HDAC4: variants seen among roughly 807,000 people sequenced by gnomAD.
HDAC4 encodes the protein histone deacetylase A.
HDAC4 carries 16 observed loss-of-function variants against 135.1 expected under a neutral mutation model. The ratio of observed to expected loss-of-function variants is 0.12; its 90% CI spans 0.08 to 0.18. HDAC4 has a LOEUF of 0.18. HDAC4 is among the 10% of genes least tolerant of loss of function. HDAC4 has a pLI of 1.00. For missense variants in HDAC4, 1,143 were observed against 1,511.8 expected (o/e 0.76, Z 4.05); for synonymous variants, 685 against 653.4 (o/e 1.05, Z -0.74).
At chr2:239,278,202 A>T (rs1348394109) in intron 2 of HDAC4, among the ~76,000 whole-genome samples, 1 of 150,226 alleles carries the variant, frequency 6.7e-6, no homozygotes, top group African/African-American at 2.5e-5. Flanking sequence ...AAAAAAAAAC[A>T]GACTGGTAAC....
chr2:239,384,069 A>G (rs13405734), intron 1 of HDAC4, among the ~76,000 whole-genome samples: 27,111 of 152,224 alleles, frequency 0.18, 2,581 homozygotes, highest in Non-Finnish European at 0.2. Context: ...CAGACAGAGA[A>G]GCAGCTCGTG....
intron 1 of HDAC4, among the ~76,000 whole-genome samples, chr2:239,369,295 G>T (rs1016483677): frequency 1.2e-4 from 18 of 152,254 alleles, no homozygotes; most frequent in Admixed American, 2.6e-4. Context: ...TGGACGTCTG[G>T]ACCAAGAGCA....
chr2:239,068,406 A>G lies in HDAC4; in HGVS notation c.2869+83T>C. The G allele has an allele frequency of 9.9e-7, 1 of 1,012,206 alleles. No homozygotes were observed. 62.7% of individuals were successfully genotyped at this position (1,012,206 alleles called of 1,614,324 possible). A position where few individuals can be genotyped will look rare whatever the true frequency, so the allele number is the denominator to read the frequency against. ...AGGTGCCCTTCCTTATCTCGTTATT[A>G]AAAAGGGGACCTGACACGCGGAACA... On this transcript the variant is annotated intron_variant, in intron 23 of 26. Coordinates refer to ENST00000543185, the MANE Select transcript of HDAC4 (RefSeq NM_001378414.1). The surrounding 1 kb of genome is among the most constrained non-coding windows in gnomAD (Gnocchi z 4.4).
intron 2 of HDAC4, among the ~76,000 whole-genome samples, chr2:239,275,814 G>A (rs2050325012): frequency 1.3e-5 from 2 of 152,150 alleles, no homozygotes; most frequent in Admixed American, 1.3e-4. Flanking sequence ...TCACAGGGAG[G>A]GGAAGACACC....
chr2:239,204,715 C>G (rs2045945229), intron 3 of HDAC4, among the ~76,000 whole-genome samples: 1 of 152,186 alleles, frequency 6.6e-6, no homozygotes, highest in South Asian at 2.1e-4. Flanking sequence ...CCTTCAACAG[C>G]CAGACCCTGG....
intron 1 of HDAC4, among the ~76,000 whole-genome samples, chr2:239,361,903 A>G (rs10195361): frequency 0.022 from 3,351 of 152,322 alleles, 131 homozygotes; most frequent in African/African-American, 0.074. Context: ...GAGAACTACG[A>G]TGATCACTTT....
chr2:239,159,389 C>G (rs1254715333), intron 6 of HDAC4, among the ~76,000 whole-genome samples: 3 of 145,188 alleles, frequency 2.1e-5, no homozygotes, highest in African/African-American at 7.7e-5. Flanking sequence ...CCCCTCACAA[C>G]CTATACCCAC....
chr2:239,073,911 G>A (rs971195285), intron 22 of HDAC4, among the ~76,000 whole-genome samples: 3 of 152,106 alleles, frequency 2.0e-5, no homozygotes, highest in Admixed American at 6.5e-5. Context: ...CTTTCTGACC[G>A]ACATTCCGAG....
At chr2:239,276,092 G>A (rs74000587) in intron 2 of HDAC4, among the ~76,000 whole-genome samples, 100 of 152,286 alleles carry the variant, frequency 6.6e-4, no homozygotes, top group African/African-American at 2.3e-3. Context: ...TTCCTCCACT[G>A]CCAGGGAGGA....
chr2:239,366,999 C>T (rs546351817), intron 1 of HDAC4, among the ~76,000 whole-genome samples: 2 of 137,006 alleles, frequency 1.5e-5, no homozygotes, highest in African/African-American at 7.4e-5. Flanking sequence ...GCCTGAAAGC[C>T]TCCGTCACTG....
rs1399720651 is a variant in HDAC4 at position 239,052,229 on chromosome 2, GC to G, written c.*867del. ...GCAAAACAGGGACCGCCGGGCTGCAGCCCCTGGCCCCGGAGATGACGGCTGG... is the reference window on the plus strand; with the variant it reads ...GCAAAACAGGGACCGCCGGGCTGCAGCCCTGGCCCCGGAGATGACGGCTGG... On this transcript the variant is annotated 3_prime_UTR_variant, in exon 27 of 27. Coordinates refer to ENST00000543185, the MANE Select transcript of HDAC4 (RefSeq NM_001378414.1). 1 of 152,336 alleles carries G rather than the reference GC, an allele frequency of 6.6e-6. No homozygotes were observed. Among genetic ancestry groups the G allele is most frequent in the East Asian group, 1.9e-4 (1 of 5,194 alleles). 9.4% of individuals were successfully genotyped at this position (152,336 alleles called of 1,614,324 possible).
chr2:239,132,210 G>A (rs1207785058), intron 11 of HDAC4, among the ~76,000 whole-genome samples: 2 of 152,338 alleles, frequency 1.3e-5, no homozygotes, highest in Non-Finnish European at 2.9e-5. Context: ...GGCTCACGGG[G>A]GCGGACCGCT....
chr2:239,233,988 C>T (rs1559263228), intron 3 of HDAC4, among the ~76,000 whole-genome samples: 1 of 152,210 alleles, frequency 6.6e-6, no homozygotes. Flanking sequence ...AATGTTTATA[C>T]TCCCATACCA....
intron 3 of HDAC4, among the ~76,000 whole-genome samples, chr2:239,199,734 TTC>T (rs1288386902): frequency 1.1e-5 from 1 of 87,760 alleles, no homozygotes; most frequent in Non-Finnish European, 2.1e-5. Flanking sequence ...TCCTGTACAT[TTC>T]TTTTTTTTTT....
At chr2:239,326,401 G>GTT (rs1483475034) in intron 2 of HDAC4, among the ~76,000 whole-genome samples, 1 of 152,210 alleles carries the variant, frequency 6.6e-6, no homozygotes, top group Non-Finnish European at 1.5e-5. Flanking sequence ...TGGAGTTTCT[G>GTT]TTCGGGAAGA....
At chr2:239,225,528 G>A (rs532806975) in intron 3 of HDAC4, among the ~76,000 whole-genome samples, 13 of 152,362 alleles carry the variant, frequency 8.5e-5, no homozygotes, top group South Asian at 2.1e-4. Flanking sequence ...AGGGGGGGAT[G>A]AGAAACACCT....
At chr2:239,287,059 T>C (rs1320189158) in intron 2 of HDAC4, among the ~76,000 whole-genome samples, 1 of 152,164 alleles carries the variant, frequency 6.6e-6, no homozygotes, top group Non-Finnish European at 1.5e-5. Context: ...GGGCAGGGAA[T>C]GTCCTGGGGA....
In HDAC4 at chr2:239,084,260, C is replaced by T. The variant is rs202203032; in HGVS notation, c.2445-18G>A. On this transcript the variant is annotated intron_variant, in intron 19 of 26. Transcript: ENST00000543185. ...AAAAGCCCCTGCGGGAGAGAACTGACGCTGGAGACGAAGCGCAGGTGGGCG... is the reference window on the plus strand; with the variant it reads ...AAAAGCCCCTGCGGGAGAGAACTGATGCTGGAGACGAAGCGCAGGTGGGCG... 1,370 of 1,591,054 alleles carry T rather than the reference C, an allele frequency of 8.6e-4. 8 individuals are homozygous for T. The African/African-American group carries it at 0.01, about 12-fold the overall frequency.
chr2:239,229,782 G>T (rs1000228068), intron 3 of HDAC4, among the ~76,000 whole-genome samples: 26 of 152,242 alleles, frequency 1.7e-4, no homozygotes, highest in Middle Eastern at 3.4e-3. Context: ...TTCTCGTTAT[G>T]TGGATGAGGC....
Sources: gnomAD v4.1 joint callset for allele counts (sites outside exome capture counted in the v4.1 genomes callset) on GRCh38, gnomAD v4.1.1 for gene constraint, Gnocchi (gnomAD v3.1) non-coding constraint, MANE v1.5 for transcripts, NCBI Gene and HGNC (gene_info 2026-07-23, HGNC 2026-07-21) for gene names.